WDTC1: variants seen among roughly 807,000 people sequenced by gnomAD.
The protein encoded by WDTC1 is WD and tetratricopeptide repeats 1.
A neutral mutation model predicts 76.0 loss-of-function variants in WDTC1; 12 were observed. That is an observed-to-expected ratio of 0.16 (90% CI 0.10 to 0.26). The LOEUF (loss-of-function observed/expected upper bound fraction) is 0.26. WDTC1 is among the 10% of genes least tolerant of loss of function. The pLI is 1.00. For synonymous variants in WDTC1, 326 were observed against 350.8 expected, an observed-to-expected ratio of 0.93 and a Z score of 0.79; for missense variants, 511 against 908.8, an observed-to-expected ratio of 0.56 and a Z score of 5.63.
At chr1:27,289,365 G>A (rs1379108832) in intron 6 of WDTC1, among the ~76,000 whole-genome samples, 5 of 151,256 alleles carry the variant, frequency 3.3e-5, no homozygotes, top group African/African-American at 9.7e-5. Flanking sequence ...GGGCAGAGAC[G>A]CTCTTCACCT....
chr1:27,287,482 G>T (rs975910074), intron 5 of WDTC1, among the ~76,000 whole-genome samples, 192 bp from the exon 6 acceptor site: 1 of 152,084 alleles, frequency 6.6e-6, no homozygotes, highest in Non-Finnish European at 1.5e-5. Flanking sequence ...TGCCTCCTGG[G>T]TTCAAGGGAT....
In WDTC1 at chr1:27,257,876, C is replaced by T. The variant is rs879437877; in HGVS notation, c.-99-3080C>T. ...TGCAGACTAGGCTCACTGCAACCTC[C>T]GCCTCCCGGGTTCAAATGATTATCC... On this transcript the variant is annotated intron_variant, in intron 1 of 15. Coordinates refer to ENST00000319394, the MANE Select transcript of WDTC1 (RefSeq NM_001276252.2). Among the ~76,000 whole-genome samples the T allele has an allele frequency of 1.1e-4, 16 of 152,004 alleles. 1 individual carries two copies. The highest frequency in any genetic ancestry group is 9.2e-4 in the Admixed American group (14 of 15,260).
intron 1 of WDTC1, among the ~76,000 whole-genome samples, chr1:27,252,236 A>G (rs1406570808): frequency 6.6e-6 from 1 of 151,730 alleles, no homozygotes; most frequent in Non-Finnish European, 1.5e-5. Context: ...GGTCCCAGCT[A>G]CTCAGGAGGG....
intron 11 of WDTC1, 131 bp downstream of exon 11, chr1:27,297,287 C>T (rs2013719480): frequency 2.5e-6 from 2 of 805,436 alleles, no homozygotes; most frequent in Non-Finnish European, 3.9e-6. Flanking sequence ...AGGACCAAGG[C>T]AAAGAGCCTT....
At chr1:27,255,520 G>A (rs760564706) in intron 1 of WDTC1, 1 of 152,202 alleles carries the variant, frequency 6.6e-6, no homozygotes. Context: ...AGTTCAATAT[G>A]TAACTGTGAA....
intron 1 of WDTC1, among the ~76,000 whole-genome samples, chr1:27,248,713 G>A (rs1183505073): frequency 5.9e-5 from 9 of 152,108 alleles, no homozygotes; most frequent in Non-Finnish European, 1.3e-4. Flanking sequence ...AGGCTGGAGT[G>A]CAGTGGTGTG....
rs1325063380 is a variant in WDTC1 at position 27,297,933 on chromosome 1, T to A, written c.1059-5T>A. On this transcript the variant is annotated splice_polypyrimidine_tract_variant and splice_region_variant and intron_variant, in intron 11 of 15. Transcript: ENST00000319394. ...TGTTCTGACTTGGCTCTATTTCCCC[T>A]GCAGCCCCCAAGTAGAGCTACCACC... 1.2e-6 allele frequency: 2 copies of A among 1,606,676 alleles called. No individual in the cohort carries two copies. Among genetic ancestry groups the A allele is most frequent in the Admixed American group, 1.7e-5 (1 of 59,478 alleles).
At chr1:27,247,191 G>A (rs1442716947) in intron 1 of WDTC1, among the ~76,000 whole-genome samples, 1 of 151,728 alleles carries the variant, frequency 6.6e-6, no homozygotes, top group Non-Finnish European at 1.5e-5. Context: ...CGAGTAGCTG[G>A]GATTACAGGT....
chr1:27,270,149 G>A (rs527805400), intron 3 of WDTC1, among the ~76,000 whole-genome samples: 30 of 152,140 alleles, frequency 2.0e-4, no homozygotes, highest in South Asian at 4.1e-4. Flanking sequence ...GTTTTGAACC[G>A]CTAGGCTCAT....
intron 3 of WDTC1, among the ~76,000 whole-genome samples, chr1:27,263,938 AC>A (rs1196119283): frequency 1.3e-5 from 2 of 152,018 alleles, no homozygotes; most frequent in Admixed American, 6.6e-5. Context: ...ACACACAAAC[AC>A]ACACACTTTC....
chr1:27,288,552 C>G lies in WDTC1; in HGVS notation c.479+691C>G, dbSNP rs369506529. The stretch of plus-strand genomic sequence containing the variant: ...TTGAGATTAGGGAGTGGTGATGACT[C>G]TTAATGAGCATGCTGCCTTCAAGCA... On this transcript the variant is annotated intron_variant, in intron 6 of 15. Transcript: ENST00000319394. Among the ~76,000 whole-genome samples, 26 of 151,862 alleles carry G rather than the reference C, an allele frequency of 1.7e-4. No homozygotes were observed. The East Asian group carries it at 2.3e-3, about 14-fold the overall frequency.
intron 1 of WDTC1, among the ~76,000 whole-genome samples, chr1:27,239,444 T>A (rs550226682): frequency 7.0e-6 from 1 of 142,398 alleles, no homozygotes; most frequent in Non-Finnish European, 1.5e-5. Context: ...ATCACTTGAG[T>A]GCAGGAGGCA....
chr1:27,260,190 C>T (rs1212839697), intron 1 of WDTC1, among the ~76,000 whole-genome samples: 2 of 152,066 alleles, frequency 1.3e-5, no homozygotes, highest in African/African-American at 2.4e-5. Context: ...CTGCAAGCTC[C>T]GCCTCCCAGG....
rs374953994 is a variant in WDTC1 at position 27,292,388 on chromosome 1, A to G, written c.653A>G (p.His218Arg). 9 of 1,600,630 alleles carry G rather than the reference A, an allele frequency of 5.6e-6. No individual in the cohort carries two copies. Among genetic ancestry groups the G allele is most frequent in the African/African-American group, 1.3e-5 (1 of 74,632 alleles). The change falls in exon 7 of 16, where the codon CAT (histidine) becomes CGT (arginine). Residue 218 changes from histidine (H) to arginine (R), a missense_variant. Transcript: ENST00000319394. ...FVRLYDIRMI[H>R]NHRKSMKQSP... ...AGGCTCTATGACATCCGCATGATCCATAACCACAGGTATGAATAGTTCAGC... is the reference window on the plus strand; with the variant it reads ...AGGCTCTATGACATCCGCATGATCCGTAACCACAGGTATGAATAGTTCAGC...
intron 1 of WDTC1, among the ~76,000 whole-genome samples, chr1:27,237,654 C>T (rs1010553927): frequency 6.6e-6 from 1 of 152,000 alleles, no homozygotes; most frequent in Non-Finnish European, 1.5e-5. Context: ...TTGAGACCAT[C>T]CTGGCTAACA....
At chr1:27,235,362 C>T (rs1008446571) in intron 1 of WDTC1, among the ~76,000 whole-genome samples, 6 of 151,002 alleles carry the variant, frequency 4.0e-5, no homozygotes, top group African/African-American at 1.2e-4. Flanking sequence ...TAGCTTCTCG[C>T]TCTCTCTCTT....
At chr1:27,247,502 C>A (rs544599454) in intron 1 of WDTC1, among the ~76,000 whole-genome samples, 1 of 152,056 alleles carries the variant, frequency 6.6e-6, no homozygotes, top group Non-Finnish European at 1.5e-5. Flanking sequence ...AAGTAGGTTC[C>A]AGTGTCTGTT....
intron 3 of WDTC1, among the ~76,000 whole-genome samples, chr1:27,268,756 T>G (rs1027737388): frequency 2.2e-5 from 3 of 137,366 alleles, no homozygotes; most frequent in Admixed American, 2.2e-4. Flanking sequence ...ACTCTGTCGC[T>G]CAGGCTGGAG....
intron 6 of WDTC1, among the ~76,000 whole-genome samples, chr1:27,290,049 G>T (rs1399740170): frequency 6.6e-6 from 1 of 151,124 alleles, no homozygotes; most frequent in African/African-American, 2.4e-5. Flanking sequence ...GAGACCGTGG[G>T]GAGGGGGAGG....
Sources: allele counts gnomAD v4.1 joint callset (sites outside exome capture counted in the v4.1 genomes callset), GRCh38; gene constraint gnomAD v4.1.1; transcripts MANE v1.5; gene names NCBI Gene and HGNC (gene_info 2026-07-23, HGNC 2026-07-21).